PDGFC: variants seen among roughly 807,000 people sequenced by gnomAD.
PDGFC encodes platelet derived growth factor C, also known as platelet-derived growth factor C.
A neutral mutation model predicts 35.5 loss-of-function variants in PDGFC; 12 were observed. That is an observed-to-expected ratio of 0.34 (90% CI 0.22 to 0.55). The LOEUF is 0.55. Ranked by LOEUF, PDGFC falls within the 20% of genes least tolerant of loss-of-function variation. The pLI, the probability that PDGFC is intolerant of heterozygous loss-of-function variation, is 0.91. For synonymous variants in PDGFC, 159 were observed against 148.8 expected (o/e 1.07, Z -0.50); for missense variants, 322 against 412.4 (o/e 0.78, Z 1.90).
chr4:156,769,975 T>C (rs1262000674), intron 4 of PDGFC, among the ~76,000 whole-genome samples: 1 of 152,024 alleles, frequency 6.6e-6, no homozygotes, highest in Non-Finnish European at 1.5e-5. Context: ...CTCTCAGCTC[T>C]CAAAGCATAT....
chr4:156,794,573 T>G (rs529054163), intron 3 of PDGFC, among the ~76,000 whole-genome samples: 1 of 152,094 alleles, frequency 6.6e-6, no homozygotes, highest in South Asian at 2.1e-4. Flanking sequence ...GCTTTTCCTT[T>G]ACTTTGGTGA....
chr4:156,794,911 A>G (rs1174073214), intron 3 of PDGFC, among the ~76,000 whole-genome samples: 1 of 152,172 alleles, frequency 6.6e-6, no homozygotes, highest in African/African-American at 2.4e-5. Context: ...TTCCAATGAC[A>G]TATCATGCAG....
In PDGFC at chr4:156,760,922, G is replaced by A. The variant is rs893613059; in HGVS notation, c.*2168C>T. 6.6e-6 allele frequency: 1 copy of A among 151,996 alleles called. No homozygotes were observed. Among genetic ancestry groups the A allele is most frequent in the Non-Finnish European group, 1.5e-5 (1 of 68,018 alleles). The allele number at this position is 151,996 out of a possible 1,614,324, so 9.4% of individuals were successfully genotyped here. A position where few individuals can be genotyped will look rare whatever the true frequency, so the allele number is the denominator to read the frequency against. On this transcript the variant is annotated 3_prime_UTR_variant, in exon 6 of 6. Transcript: ENST00000502773. The stretch of plus-strand genomic sequence containing the variant: ...TTGTAAACTGCCAACTACTTACTAC[G>A]TTGCATATTCCATATATCTAGTTGG...
At chr4:156,956,205 G>C (rs1168000879) in intron 1 of PDGFC, among the ~76,000 whole-genome samples, 1 of 152,024 alleles carries the variant, frequency 6.6e-6, no homozygotes, top group African/African-American at 2.4e-5. Context: ...AGTTAGGAAA[G>C]TACAGATCTC....
intron 2 of PDGFC, among the ~76,000 whole-genome samples, chr4:156,846,616 G>A (rs1211793087): frequency 6.6e-6 from 1 of 151,692 alleles, no homozygotes; most frequent in Non-Finnish European, 1.5e-5. Flanking sequence ...AAAAACATTT[G>A]GGGATGATGG....
chr4:156,956,495 T>C (rs1214143834), intron 1 of PDGFC, among the ~76,000 whole-genome samples: 2 of 152,000 alleles, frequency 1.3e-5, no homozygotes, highest in Non-Finnish European at 2.9e-5. Context: ...CAACCAGAAC[T>C]CTATTATAAG....
intron 1 of PDGFC, among the ~76,000 whole-genome samples, chr4:156,963,046 T>G (rs1732378825): frequency 6.6e-6 from 1 of 152,106 alleles, no homozygotes; most frequent in Non-Finnish European, 1.5e-5. Flanking sequence ...TTAAAATGCC[T>G]TGTTCTGTTT....
At chr4:156,835,073 G>A (rs1729030640) in intron 2 of PDGFC, among the ~76,000 whole-genome samples, 1 of 152,170 alleles carries the variant, frequency 6.6e-6, no homozygotes, top group Non-Finnish European at 1.5e-5. Flanking sequence ...TAGATGAGGT[G>A]TGGGATAGGG....
At chr4:156,967,755 G>A (rs1732499506) in intron 1 of PDGFC, 1 of 152,094 alleles carries the variant, frequency 6.6e-6, no homozygotes, top group African/African-American at 2.4e-5. Flanking sequence ...TCTAAAACCA[G>A]TGTGCACAAA....
chr4:156,923,201 A>C (rs931045954), intron 1 of PDGFC, among the ~76,000 whole-genome samples: 12 of 151,714 alleles, frequency 7.9e-5, no homozygotes, highest in Admixed American at 6.6e-4. Flanking sequence ...AGATCCCCTT[A>C]CAGCCACCCA....
chr4:156,916,665 A>C (rs1019679725), intron 1 of PDGFC, among the ~76,000 whole-genome samples: 3 of 152,128 alleles, frequency 2.0e-5, no homozygotes, highest in Non-Finnish European at 2.9e-5. Flanking sequence ...ACCCAAGGCC[A>C]CTTCTGCCCA....
chr4:156,894,550 T>A (rs1730586031), intron 1 of PDGFC, among the ~76,000 whole-genome samples: 1 of 152,194 alleles, frequency 6.6e-6, no homozygotes, highest in Non-Finnish European at 1.5e-5. Context: ...ATGCAATTAA[T>A]CCGAGCAAAA....
intron 2 of PDGFC, among the ~76,000 whole-genome samples, chr4:156,838,921 G>T (rs1729131851): frequency 6.6e-6 from 1 of 152,162 alleles, no homozygotes; most frequent in Non-Finnish European, 1.5e-5. Context: ...CAAGTTAAGA[G>T]ATAAAGTGGG....
intron 4 of PDGFC, among the ~76,000 whole-genome samples, chr4:156,769,040 A>G (rs1730620038): frequency 1.3e-5 from 2 of 151,950 alleles, no homozygotes; most frequent in Non-Finnish European, 2.9e-5. Context: ...ATTCAAATAA[A>G]GCAATTCCAA....
intron 2 of PDGFC, among the ~76,000 whole-genome samples, chr4:156,834,969 A>C (rs1560833263): frequency 6.6e-6 from 1 of 152,116 alleles, no homozygotes; most frequent in Non-Finnish European, 1.5e-5. Context: ...TTAAGCAGTA[A>C]AATTTTTGCC....
At chr4:156,842,405 G>A (rs934004082) in intron 2 of PDGFC, among the ~76,000 whole-genome samples, 1 of 151,590 alleles carries the variant, frequency 6.6e-6, no homozygotes, top group Non-Finnish European at 1.5e-5. Flanking sequence ...CTAAGTCTGA[G>A]AAAATATATA....
intron 1 of PDGFC, among the ~76,000 whole-genome samples, chr4:156,853,499 T>C (rs996414465): frequency 1.3e-5 from 2 of 152,224 alleles, no homozygotes; most frequent in African/African-American, 4.8e-5. Context: ...ACAGAACATG[T>C]TTCCTCTTAA....
chr4:156,778,688 T>C (rs1020995475), intron 3 of PDGFC, among the ~76,000 whole-genome samples: 11 of 152,222 alleles, frequency 7.2e-5, no homozygotes, highest in African/African-American at 2.4e-4. Flanking sequence ...AAACCATAGC[T>C]TGTCATTTTA....
At chr4:156,787,521 A>G (rs984688799) in intron 3 of PDGFC, among the ~76,000 whole-genome samples, 3 of 152,196 alleles carry the variant, frequency 2.0e-5, no homozygotes, top group Non-Finnish European at 2.9e-5. Context: ...TGCTGAGAAG[A>G]GAGGAGACAA....
Sources: gnomAD v4.1 joint callset for allele counts (sites outside exome capture counted in the v4.1 genomes callset) on GRCh38, gnomAD v4.1.1 for gene constraint, MANE v1.5 for transcripts, NCBI Gene and HGNC (gene_info 2026-07-23, HGNC 2026-07-21) for gene names.